The following ERBB4 variants were observed in gnomAD, a reference collection of about 807,000 sequenced individuals.
ERBB4 encodes receptor tyrosine-protein kinase erbB-4.
In ERBB4, 42 loss-of-function variants were observed where a neutral mutation model predicts 158.0. That is an observed-to-expected ratio of 0.27 (90% CI 0.21 to 0.34). ERBB4 has a LOEUF of 0.34. Among genes scored for constraint, ERBB4 ranks in the 10% least tolerant of loss-of-function variants. ERBB4 has a pLI of 1.00. For synonymous variants in ERBB4, 583 were observed against 558.7 expected (o/e 1.04, Z -0.61); for missense variants, 1,333 against 1,624.1 (o/e 0.82, Z 3.08).
intron 1 of ERBB4, among the ~76,000 whole-genome samples, chr2:212,468,140 C>T (rs561640331): frequency 6.6e-6 from 1 of 152,274 alleles, no homozygotes; most frequent in Admixed American, 6.5e-5. Flanking sequence ...ATTTTACAGG[C>T]TCATAGGCAG....
At chr2:212,015,999 G>C (rs2076520380) in intron 2 of ERBB4, among the ~76,000 whole-genome samples, 1 of 150,278 alleles carries the variant, frequency 6.7e-6, no homozygotes, top group African/African-American at 2.5e-5. Flanking sequence ...TCTATAATTA[G>C]ATTTTTATAG....
At chr2:212,452,837 T>C (rs1197615259) in intron 1 of ERBB4, among the ~76,000 whole-genome samples, 1 of 152,136 alleles carries the variant, frequency 6.6e-6, no homozygotes, top group Non-Finnish European at 1.5e-5. Context: ...AAATTTGTTT[T>C]TAAAACATAA....
chr2:212,440,335 A>G (rs962432455), intron 1 of ERBB4, among the ~76,000 whole-genome samples: 3 of 152,222 alleles, frequency 2.0e-5, no homozygotes, highest in Non-Finnish European at 4.4e-5. Flanking sequence ...AGACTGGCCT[A>G]GCATCCCAGG....
At chr2:212,116,348 C>T (rs1203085652) in intron 2 of ERBB4, among the ~76,000 whole-genome samples, 1 of 152,056 alleles carries the variant, frequency 6.6e-6, no homozygotes, top group Non-Finnish European at 1.5e-5. Flanking sequence ...TATTTACTAT[C>T]AGTTATACAT....
intron 5 of ERBB4, among the ~76,000 whole-genome samples, chr2:211,731,635 C>A (rs2106153495): frequency 6.6e-6 from 1 of 152,134 alleles, no homozygotes; most frequent in Non-Finnish European, 1.5e-5. Flanking sequence ...TCTAGAGGTA[C>A]CCTCTAGCTC....
chr2:212,296,325 AAAGGAAC>A (rs1234902537), intron 1 of ERBB4, among the ~76,000 whole-genome samples: 1 of 151,936 alleles, frequency 6.6e-6, no homozygotes, highest in East Asian at 1.9e-4. Flanking sequence ...AGAATTATAG[AAAGGAAC>A]AAGGAAACTA....
At chr2:212,470,651 A>G (rs1689071096) in intron 1 of ERBB4, among the ~76,000 whole-genome samples, 1 of 152,124 alleles carries the variant, frequency 6.6e-6, no homozygotes, top group Admixed American at 6.6e-5. Context: ...GAGAAGGAAG[A>G]AGAGTGGTTT....
chr2:211,991,576 T>C (rs75008626), intron 2 of ERBB4, among the ~76,000 whole-genome samples: 4,871 of 152,236 alleles, frequency 0.032, 78 homozygotes, highest in African/African-American at 0.048. Flanking sequence ...AAAGGAGATA[T>C]ATACTTGATA....
At chr2:211,473,319 C>T (rs1322614614) in intron 20 of ERBB4, among the ~76,000 whole-genome samples, 2 of 151,996 alleles carry the variant, frequency 1.3e-5, no homozygotes, top group Non-Finnish European at 2.9e-5. Flanking sequence ...GAGAGTAGGT[C>T]CCTGCCAACA....
intron 2 of ERBB4, among the ~76,000 whole-genome samples, chr2:211,984,881 C>T (rs2081898356): frequency 6.6e-6 from 1 of 152,022 alleles, no homozygotes; most frequent in Non-Finnish European, 1.5e-5. Context: ...CACCGCCATG[C>T]CCAGCTAATT....
intron 25 of ERBB4, among the ~76,000 whole-genome samples, chr2:211,418,670 G>A (rs2063447003): frequency 6.6e-6 from 1 of 152,002 alleles, no homozygotes; most frequent in African/African-American, 2.4e-5. Context: ...TGCAAGCTAA[G>A]AAAGAAAAAC....
At chr2:212,207,693 G>C (rs1463689439) in intron 1 of ERBB4, among the ~76,000 whole-genome samples, 1 of 152,126 alleles carries the variant, frequency 6.6e-6, no homozygotes, top group Non-Finnish European at 1.5e-5. Context: ...TAATACGACA[G>C]TGTTAGGCTT....
At chr2:211,391,342 GCT>G (rs1328980117) in intron 25 of ERBB4, among the ~76,000 whole-genome samples, 1 of 152,210 alleles carries the variant, frequency 6.6e-6, no homozygotes, top group Non-Finnish European at 1.5e-5. Context: ...ACAAAGCAAT[GCT>G]CTCAGTTAAA....
intron 1 of ERBB4, among the ~76,000 whole-genome samples, chr2:212,447,179 A>G (rs2092373888): frequency 6.6e-6 from 1 of 151,762 alleles, no homozygotes; most frequent in Non-Finnish European, 1.5e-5. Flanking sequence ...TGTATTTTTT[A>G]GTAGAGACGG....
chr2:212,507,669 A>G (rs964586269), intron 1 of ERBB4, among the ~76,000 whole-genome samples: 2 of 152,226 alleles, frequency 1.3e-5, no homozygotes, highest in African/African-American at 4.8e-5. Flanking sequence ...GAGCCTAAAT[A>G]TGTGACTGAA....
At position 211,492,005 on chromosome 2, in the gene ERBB4, C is replaced by T. The variant is rs116296721; in HGVS notation, c.2488-60905G>A. On this transcript the variant is annotated intron_variant, in intron 20 of 27. Transcript: ENST00000342788. ...GTATTCCAGCATGAACATGAAGATG[C>T]CCATCACACAGTGGCTAATTCAGGA... Among the ~76,000 whole-genome samples, 730 of 151,718 alleles carry T rather than the reference C, an allele frequency of 4.8e-3. 7 individuals are homozygous for T. The highest frequency in any genetic ancestry group is 0.017 in the African/African-American group (689 of 41,390).
At chr2:212,385,391 C>T (rs147855636) in intron 1 of ERBB4, among the ~76,000 whole-genome samples, 4 of 151,852 alleles carry the variant, frequency 2.6e-5, no homozygotes, top group South Asian at 2.1e-4. Context: ...CCTCACTCAT[C>T]GACAAACCAC....
At chr2:212,291,510 T>A (rs1266291176) in intron 1 of ERBB4, among the ~76,000 whole-genome samples, 1 of 152,124 alleles carries the variant, frequency 6.6e-6, no homozygotes, top group Non-Finnish European at 1.5e-5. Context: ...TGATAAAACA[T>A]GCTTTAATTG....
chr2:211,540,795 TAGTAC>T (rs1378638115), intron 20 of ERBB4, among the ~76,000 whole-genome samples: 2 of 151,964 alleles, frequency 1.3e-5, no homozygotes, highest in African/African-American at 4.8e-5. Flanking sequence ...AATCCATACA[TAGTAC>T]AGTACAGTAA....
Sources: allele counts gnomAD v4.1 joint callset (sites outside exome capture counted in the v4.1 genomes callset), GRCh38; gene constraint gnomAD v4.1.1; transcripts MANE v1.5; gene names NCBI Gene and HGNC (gene_info 2026-07-23, HGNC 2026-07-21).